NRG2: variants seen among roughly 807,000 people sequenced by gnomAD.
The protein encoded by NRG2 is pro-neuregulin-2, membrane-bound isoform.
A neutral mutation model predicts 73.9 loss-of-function variants in NRG2; 27 were observed. That is an observed-to-expected ratio of 0.37 (90% CI 0.27 to 0.50). The LOEUF is 0.50. Ranked by LOEUF, NRG2 falls within the 20% of genes least tolerant of loss-of-function variation. The pLI is 0.96. For synonymous variants in NRG2, 532 were observed against 541.0 expected, an observed-to-expected ratio of 0.98 and a Z score of 0.23; for missense variants, 1,126 against 1,210.1, an observed-to-expected ratio of 0.93 and a Z score of 1.03.
intron 1 of NRG2, among the ~76,000 whole-genome samples, chr5:139,899,112 G>A (rs1426341993): frequency 6.6e-6 from 1 of 152,214 alleles, no homozygotes; most frequent in East Asian, 1.9e-4. Context: ...CAGGATCTCA[G>A]CCAGCACTGC....
intron 1 of NRG2, among the ~76,000 whole-genome samples, chr5:139,972,969 C>T (rs577898326): frequency 1.3e-5 from 2 of 152,094 alleles, no homozygotes; most frequent in South Asian, 4.1e-4. Flanking sequence ...TTTTGCATAT[C>T]AGATATGTAA....
intron 1 of NRG2, among the ~76,000 whole-genome samples, chr5:139,984,125 G>A (rs997784314): frequency 4.6e-5 from 7 of 151,960 alleles, no homozygotes; most frequent in African/African-American, 1.7e-4. Context: ...TTTACATTCT[G>A]GCACAGTAAT....
chr5:139,902,957 A>T (rs1204418020), intron 1 of NRG2, among the ~76,000 whole-genome samples: 1 of 152,186 alleles, frequency 6.6e-6, no homozygotes, highest in Non-Finnish European at 1.5e-5. Context: ...AGGAGAACAC[A>T]GTTCTGGCCT....
chr5:139,858,514 A>T (rs1460951028), intron 5 of NRG2, among the ~76,000 whole-genome samples: 2 of 152,178 alleles, frequency 1.3e-5, no homozygotes, highest in Admixed American at 1.3e-4. Flanking sequence ...TCACCTGTGA[A>T]TGTGAGCCCA....
intron 1 of NRG2, among the ~76,000 whole-genome samples, chr5:139,990,101 T>C (rs1314532613): frequency 1.3e-5 from 2 of 151,740 alleles, no homozygotes; most frequent in Non-Finnish European, 2.9e-5. Flanking sequence ...TTATTATTAT[T>C]TTATTATTAT....
chr5:139,932,421 T>A (rs11959464), intron 1 of NRG2, among the ~76,000 whole-genome samples: 17,250 of 150,956 alleles, frequency 0.11, 1,085 homozygotes, highest in South Asian at 0.26. Context: ...TTTTTTTTTT[T>A]AAAAAAAGCT....
chr5:139,932,231 T>C (rs931447862), intron 1 of NRG2, among the ~76,000 whole-genome samples: 3 of 146,950 alleles, frequency 2.0e-5, no homozygotes, highest in Non-Finnish European at 4.5e-5. Flanking sequence ...AGTGTGTGTG[T>C]GTGTGTGTGT....
chr5:139,961,370 C>T (rs1033980928), intron 1 of NRG2, among the ~76,000 whole-genome samples: 1 of 150,694 alleles, frequency 6.6e-6, no homozygotes, highest in Admixed American at 6.6e-5. Flanking sequence ...CTGCCCCCCT[C>T]CTCCCCTCCT....
intron 9 of NRG2, among the ~76,000 whole-genome samples, chr5:139,849,723 C>T (rs563381819): frequency 7.2e-5 from 11 of 152,340 alleles, no homozygotes; most frequent in African/African-American, 2.6e-4. Flanking sequence ...ACTCCTCCCT[C>T]TTCCCTTTCC....
In NRG2 at chr5:139,949,699, C is replaced by A. The variant is rs150453115; in HGVS notation, c.701-62188G>T. Reference sequence around the variant, plus strand: ...CATAACTGCTATTTGGTGCAGAGAACTTTCCTTTAGTCTTCAAAAGTCACG... The same window carrying A: ...CATAACTGCTATTTGGTGCAGAGAAATTTCCTTTAGTCTTCAAAAGTCACG... On this transcript the variant is annotated intron_variant, in intron 1 of 9. Transcript: ENST00000361474. Among the ~76,000 whole-genome samples the A allele has an allele frequency of 3.3e-5, 5 of 152,334 alleles. No individual in the cohort carries two copies. In the East Asian group the frequency reaches 9.6e-4, roughly 29 times the overall value.
intron 1 of NRG2, among the ~76,000 whole-genome samples, chr5:139,938,518 C>T (rs1009487941): frequency 4.0e-5 from 6 of 151,864 alleles, no homozygotes; most frequent in Non-Finnish European, 7.4e-5. Context: ...CACCATGCCC[C>T]GCTAATTTTT....
intron 1 of NRG2, among the ~76,000 whole-genome samples, chr5:140,018,870 G>C (rs1424303456): frequency 1.3e-5 from 2 of 152,204 alleles, no homozygotes; most frequent in Non-Finnish European, 2.9e-5. Flanking sequence ...TACAGTGCCA[G>C]TGTTTCTAAC....
At chr5:139,957,375 G>A (rs1280087884) in intron 1 of NRG2, among the ~76,000 whole-genome samples, 1 of 151,414 alleles carries the variant, frequency 6.6e-6, no homozygotes, top group Non-Finnish European at 1.5e-5. Context: ...AAAGAATCCT[G>A]AGAACAAGAG....
intron 1 of NRG2, among the ~76,000 whole-genome samples, chr5:140,028,851 A>T (rs970799494): frequency 6.6e-6 from 1 of 152,016 alleles, no homozygotes; most frequent in Non-Finnish European, 1.5e-5. Flanking sequence ...CTGAAGCTAG[A>T]CCCTAAGAGA....
intron 1 of NRG2, among the ~76,000 whole-genome samples, chr5:140,007,840 G>A (rs1400182108): frequency 1.3e-5 from 2 of 152,196 alleles, no homozygotes; most frequent in Non-Finnish European, 2.9e-5. Context: ...TAGGACTCAA[G>A]TGCTGGAAAG....
At chr5:139,862,582 A>G (rs765010692) in intron 5 of NRG2, among the ~76,000 whole-genome samples, 7 of 152,262 alleles carry the variant, frequency 4.6e-5, no homozygotes, top group Non-Finnish European at 1.0e-4. Flanking sequence ...CAAATTCTTC[A>G]TCCTGGACAT....
intron 1 of NRG2, among the ~76,000 whole-genome samples, chr5:139,998,695 ATG>A (rs1357420545): frequency 6.6e-6 from 1 of 152,196 alleles, no homozygotes; most frequent in Non-Finnish European, 1.5e-5. Flanking sequence ...TGAAAAAATT[ATG>A]AGCTTAGAAT....
intron 1 of NRG2, among the ~76,000 whole-genome samples, chr5:139,921,449 T>C (rs999978956): frequency 5.3e-5 from 8 of 152,062 alleles, no homozygotes; most frequent in Admixed American, 3.9e-4. Context: ...CACATAAATA[T>C]AGTCAACTGA....
chr5:140,016,599 C>A (rs34308038), intron 1 of NRG2, among the ~76,000 whole-genome samples: 1 of 152,118 alleles, frequency 6.6e-6, no homozygotes, highest in African/African-American at 2.4e-5. Flanking sequence ...AGACATCAAA[C>A]GATTTTTTAG....
Sources: gnomAD v4.1 joint callset for allele counts (sites outside exome capture counted in the v4.1 genomes callset) on GRCh38, gnomAD v4.1.1 for gene constraint, MANE v1.5 for transcripts, NCBI Gene and HGNC (gene_info 2026-07-23, HGNC 2026-07-21) for gene names.